Variants in GRIP2 observed in about 807,000 individuals in gnomAD.
GRIP2 encodes glutamate receptor interacting protein 2.
Under a neutral mutation model 108.3 loss-of-function variants are expected in GRIP2, and 58 were observed. The ratio of observed to expected loss-of-function variants is 0.54; its 90% CI spans 0.43 to 0.67. The LOEUF (loss-of-function observed/expected upper bound fraction) is 0.67, where lower values mean the gene tolerates loss of function less well. Ranked by LOEUF, GRIP2 falls within the 30% of genes least tolerant of loss-of-function variation. GRIP2 has a pLI of 0.00. For missense variants in GRIP2, 1,278 were observed against 1,430.6 expected (o/e 0.89, Z 1.72); for synonymous variants, 586 against 598.2 (o/e 0.98, Z 0.30).
In GRIP2 at chr3:14,525,437, C is replaced by A; in HGVS notation, c.257G>T (p.Arg86Met). Residue 86 changes from arginine (R) to methionine (M), a missense_variant and splice_region_variant, in exon 3 of 24, where the codon AGG becomes ATG. Arg to Met is a moderately conservative substitution (Grantham distance 91, BLOSUM62 -1). Transcript: ENST00000621039. ...CGGCCGTGCCAAGCCCACTTCTCAC[C>A]TGGCTGCAAGTCCCCCAGGTCTCAG... ...SNLRPGGLAA[R>M]SDLLNIGDYI... The A allele has an allele frequency of 6.2e-7, 1 of 1,612,246 alleles. No homozygotes were observed. The highest frequency in any genetic ancestry group is 8.5e-7 in the Non-Finnish European group (1 of 1,179,790).
chr3:14,574,680 G>A, the GRIP2 span: 1 of 630,266 alleles, frequency 1.6e-6, no homozygotes, highest in South Asian at 1.4e-5. Flanking sequence ...CAGAAAGCTG[G>A]CTGGAGTGAA....
At chr3:14,598,224 G>A in the GRIP2 span, among the ~76,000 whole-genome samples, 2 of 151,714 alleles carry the variant, frequency 1.3e-5, no homozygotes, top group African/African-American at 2.4e-5. Context: ...ACCTCTGCTT[G>A]CGGTTCTGAC....
chr3:14,588,864 C>T, the GRIP2 span, among the ~76,000 whole-genome samples: 3 of 152,194 alleles, frequency 2.0e-5, no homozygotes, highest in African/African-American at 7.2e-5. Context: ...TAGCTGGCTC[C>T]CAGCTTCCAG....
chr3:14,559,605 G>A (rs1305004786), upstream of GRIP2, among the ~76,000 whole-genome samples: 3 of 152,126 alleles, frequency 2.0e-5, no homozygotes, highest in African/African-American at 7.2e-5. Flanking sequence ...CTGTCTTGGG[G>A]GTGCAGGATC....
the GRIP2 span, among the ~76,000 whole-genome samples, chr3:14,587,670 C>A: frequency 4.6e-5 from 7 of 151,028 alleles, no homozygotes; most frequent in East Asian, 3.9e-4. Context: ...ACAAAAAAAA[C>A]CCTTCTCTTT....
chr3:14,592,672 G>C, the GRIP2 span, among the ~76,000 whole-genome samples: 2 of 152,112 alleles, frequency 1.3e-5, no homozygotes, highest in Non-Finnish European at 2.9e-5. Context: ...GGGTTTCCAG[G>C]CACCCAACAA....
Position 14,505,635 on chromosome 3 carries a change from ATCC to A in GRIP2, c.2550_2552del (p.Glu850del), listed in dbSNP as rs757372923. 111 of 1,594,222 alleles carry A rather than the reference ATCC, an allele frequency of 7.0e-5. No homozygotes were observed. Among genetic ancestry groups the A allele is most frequent in the Admixed American group, 1.9e-4 (11 of 58,840 alleles). On this transcript the variant is annotated inframe_deletion, in exon 20 of 24. Transcript: ENST00000621039. The surrounding 1 kb of genome is among the most constrained non-coding windows in gnomAD (Gnocchi z 4.2). ...CAGACCTCGTTGGCGGCTCCCAATCATCCTCCTCCTCCTCCTCTGGAAAGCTCT... is the reference window on the plus strand; with the variant it reads ...CAGACCTCGTTGGCGGCTCCCAATCATCCTCCTCCTCCTCTGGAAAGCTCT...
the GRIP2 span, among the ~76,000 whole-genome samples, chr3:14,601,368 C>T: frequency 6.6e-6 from 1 of 152,148 alleles, no homozygotes; most frequent in Non-Finnish European, 1.5e-5. Flanking sequence ...CTTAATTAGC[C>T]CTGCTCCTTG....
rs1694422683 is a variant in GRIP2, at chr3:14,521,920, A to C, written c.567-133T>G. ...GGTGGGGGAGGAAGGGGAGGAGGGG[A>C]CGGGTGAAGGGGCGCATGAGTGAGT... On this transcript the variant is annotated intron_variant, in intron 6 of 23. Coordinates refer to ENST00000621039, the MANE Select transcript of GRIP2 (RefSeq NM_001080423.4). This position sits in a 1 kb window ranked among gnomAD's most constrained non-coding sequence, Gnocchi z 5.1. 5.2e-6 allele frequency: 4 copies of C among 767,822 alleles called. No homozygotes were observed. The Admixed American group carries it at 1.3e-4, about 25-fold the overall frequency. The allele number at this position is 767,822 out of a possible 1,614,324, so 47.6% of individuals were successfully genotyped here.
At chr3:14,527,255 G>A (rs1276025022) in intron 1 of GRIP2, among the ~76,000 whole-genome samples, 3 of 151,930 alleles carry the variant, frequency 2.0e-5, no homozygotes, top group Non-Finnish European at 2.9e-5. Context: ...AGAAAGGGAA[G>A]GGAAGGGAAG....
rs1693829095 is a variant in GRIP2, at chr3:14,503,585, TCTGA to T, written c.2656_2659del (p.Glu887CysfsTer2). 6.2e-7 allele frequency: 1 copy of T among 1,610,794 alleles called. No individual in the cohort carries two copies. The highest frequency in any genetic ancestry group is 8.5e-7 in the Non-Finnish European group (1 of 1,178,706). On this transcript the variant is annotated frameshift_variant, in exon 21 of 24. Transcript: ENST00000621039. LOFTEE classifies it high-confidence loss of function. ...CCATACCTCCAGTTCCCTCAGCAGC[TCTGA>T]CTGACCACATGACTCCAGGTCTTCG...
At chr3:14,520,007 A>C (rs747939596) in intron 9 of GRIP2, 103 bp downstream of exon 9, 39 of 1,133,720 alleles carry the variant, frequency 3.4e-5, no homozygotes, top group African/African-American at 9.4e-5. Flanking sequence ...GTCCTAGTAC[A>C]TTTTAGCCTG....
upstream of GRIP2, among the ~76,000 whole-genome samples, chr3:14,558,578 A>C (rs989195113): frequency 6.6e-6 from 1 of 152,184 alleles, no homozygotes; most frequent in African/African-American, 2.4e-5. Flanking sequence ...AGGGTGCGGG[A>C]GAGGCAGAGT....
chr3:14,539,322 G>A (rs373634386), intron 1 of GRIP2, among the ~76,000 whole-genome samples: 43 of 152,322 alleles, frequency 2.8e-4, no homozygotes, highest in Admixed American at 1.8e-3. Flanking sequence ...TTCCTGGGTC[G>A]CTAAGGCTGG....
chr3:14,576,916 T>C, the GRIP2 span, among the ~76,000 whole-genome samples: 1 of 152,242 alleles, frequency 6.6e-6, no homozygotes, highest in African/African-American at 2.4e-5. Context: ...ACTCTCAAGC[T>C]TTTCCACTTT....
intron 19 of GRIP2, among the ~76,000 whole-genome samples, chr3:14,506,454 A>T (rs1008706486): frequency 3.3e-5 from 5 of 152,182 alleles, no homozygotes; most frequent in Non-Finnish European, 7.3e-5. Context: ...TGGAATGAAC[A>T]TTGTTGAGCA....
At chr3:14,583,492 C>T in the GRIP2 span, among the ~76,000 whole-genome samples, 1 of 152,198 alleles carries the variant, frequency 6.6e-6, no homozygotes, top group South Asian at 2.1e-4. Context: ...GGAGCAAAAG[C>T]TACTGGGGCC....
At chr3:14,503,424 T>C in intron 21 of GRIP2, 142 bp downstream of exon 21, 1 of 627,406 alleles carries the variant, frequency 1.6e-6, no homozygotes, top group Non-Finnish European at 2.9e-6. Context: ...AGACACCTTT[T>C]CCCACAGGGT....
chr3:14,559,023 G>A (rs927783934), upstream of GRIP2, among the ~76,000 whole-genome samples: 2 of 152,198 alleles, frequency 1.3e-5, no homozygotes, highest in South Asian at 4.1e-4. Flanking sequence ...TACTTGTTAG[G>A]TGCAATCTCA....
Sources: gnomAD v4.1 joint callset for allele counts (sites outside exome capture counted in the v4.1 genomes callset) on GRCh38, gnomAD v4.1.1 for gene constraint, Gnocchi (gnomAD v3.1) non-coding constraint, MANE v1.5 for transcripts, NCBI Gene and HGNC (gene_info 2026-07-23, HGNC 2026-07-21) for gene names.